Variants in ARHGEF12 observed in about 807,000 individuals in gnomAD.
ARHGEF12 encodes Rho guanine nucleotide exchange factor 12.
ARHGEF12 carries 66 observed loss-of-function variants against 211.2 expected under a neutral mutation model. The observed-to-expected ratio is 0.31, with a 90% confidence interval of 0.26 to 0.38. The LOEUF is 0.38. Among genes scored for constraint, ARHGEF12 ranks in the 10% least tolerant of loss-of-function variants. The probability of loss-of-function intolerance (pLI) is 1.00; values close to 1 mark genes in which losing one functional copy is unlikely to be tolerated. For missense variants in ARHGEF12, 1,429 were observed against 1,869.5 expected (o/e 0.76, Z 4.34); for synonymous variants, 592 against 638.4 (o/e 0.93, Z 1.09).
intron 1 of ARHGEF12, among the ~76,000 whole-genome samples, chr11:120,350,126 A>G (rs949662336): frequency 7.9e-5 from 12 of 151,878 alleles, no homozygotes; most frequent in Admixed American, 3.3e-4. Flanking sequence ...TTGTCTTGGC[A>G]GTTATTTTGA....
At chr11:120,455,949 G>T (rs1401731507) in intron 22 of ARHGEF12, among the ~76,000 whole-genome samples, 3 of 152,200 alleles carry the variant, frequency 2.0e-5, no homozygotes, top group Admixed American at 1.3e-4. Context: ...GCAATTGATG[G>T]TGTGTAAGAA....
chr11:120,369,781 A>G (rs1943537363), intron 1 of ARHGEF12, among the ~76,000 whole-genome samples: 1 of 152,246 alleles, frequency 6.6e-6, no homozygotes, highest in Admixed American at 6.5e-5. Context: ...TTATACTTGG[A>G]ATATTTCACA....
Position 120,447,616 on chromosome 11 carries a change from G to A in ARHGEF12, c.1590-258G>A, listed in dbSNP as rs543198578. Among the ~76,000 whole-genome samples, 47 of 152,056 alleles carry A rather than the reference G, an allele frequency of 3.1e-4. 2 individuals carry two copies. The South Asian group carries it at 9.2e-3, about 30-fold the overall frequency. On this transcript the variant is annotated intron_variant, in intron 18 of 40. Transcript: ENST00000397843. The stretch of plus-strand genomic sequence containing the variant: ...GCGGATTACGTAAGGCCAAGAGTTC[G>A]AGACCAAGCTGGCCAACATGGTGAA...
intron 11 of ARHGEF12, among the ~76,000 whole-genome samples, chr11:120,436,625 T>C (rs950702141): frequency 6.6e-6 from 1 of 152,216 alleles, no homozygotes; most frequent in African/African-American, 2.4e-5. Flanking sequence ...GTACTGAATA[T>C]GCACAGACTT....
In ARHGEF12 at chr11:120,358,049, A is replaced by G. The variant is rs1943174771; in HGVS notation, c.32+20774A>G. ...TTTTAAGTCATTCTAAGGAGTTTGG[A>G]TTTTAACCTCTGGATTGTAGGGAGC... On this transcript the variant is annotated intron_variant, in intron 1 of 40. Transcript: ENST00000397843. Among the ~76,000 whole-genome samples the G allele has an allele frequency of 1.3e-5, 2 of 152,010 alleles. 1 individual carries two copies. Among genetic ancestry groups the G allele is most frequent in the South Asian group, 4.2e-4 (2 of 4,814 alleles).
rs952781389 is a variant in ARHGEF12 at position 120,486,397 on chromosome 11, A to T, written c.*1320A>T. On this transcript the variant is annotated 3_prime_UTR_variant, in exon 41 of 41. Transcript: ENST00000397843. ...CCGTGATTGACCCTAAAAATTGCAGACCAGCACATACACTGGACACTGCAG... is the reference window on the plus strand; with the variant it reads ...CCGTGATTGACCCTAAAAATTGCAGTCCAGCACATACACTGGACACTGCAG... 5.2e-5 allele frequency: 12 copies of T among 232,498 alleles called. No individual in the cohort carries two copies. Among genetic ancestry groups the T allele is most frequent in the Non-Finnish European group, 9.4e-5 (11 of 117,492 alleles). The allele number at this position is 232,498 out of a possible 1,614,324, so 14.4% of individuals were successfully genotyped here.
chr11:120,447,461 T>G (rs1019340207), intron 18 of ARHGEF12, among the ~76,000 whole-genome samples: 2 of 152,174 alleles, frequency 1.3e-5, no homozygotes, highest in African/African-American at 4.8e-5. Flanking sequence ...CTTTTGGTAT[T>G]TTATTCTAGG....
At chr11:120,359,434 GT>G (rs1403681545) in intron 1 of ARHGEF12, among the ~76,000 whole-genome samples, 6 of 152,096 alleles carry the variant, frequency 3.9e-5, no homozygotes, top group Admixed American at 2.6e-4. Flanking sequence ...TAGAGATAGG[GT>G]TTTGCCATGT....
At chr11:120,460,605 C>A in intron 26 of ARHGEF12, 67 bp from the exon 27 acceptor site, 1 of 1,343,788 alleles carries the variant, frequency 7.4e-7, no homozygotes, top group Non-Finnish European at 1.0e-6. Flanking sequence ...ATTAGCTACT[C>A]TGTACTACCA....
chr11:120,338,685 T>C (rs2135215384), intron 1 of ARHGEF12, among the ~76,000 whole-genome samples: 1 of 152,320 alleles, frequency 6.6e-6, no homozygotes, highest in African/African-American at 2.4e-5. Flanking sequence ...GTGGGGATAA[T>C]TGTTTTCCTG....
chr11:120,347,159 C>CTTT (rs1565417015), intron 1 of ARHGEF12, among the ~76,000 whole-genome samples: 3 of 72,932 alleles, frequency 4.1e-5, no homozygotes, highest in African/African-American at 1.2e-4. Context: ...TTCCTTCCTT[C>CTTT]CTTCCTTCCT....
intron 1 of ARHGEF12, among the ~76,000 whole-genome samples, chr11:120,385,817 A>G (rs1944013683): frequency 6.6e-6 from 1 of 152,212 alleles, no homozygotes; most frequent in Non-Finnish European, 1.5e-5. Context: ...TTACCTTTTT[A>G]GAACTGAATT....
intron 22 of ARHGEF12, among the ~76,000 whole-genome samples, chr11:120,456,419 A>C (rs1946362665): frequency 2.0e-5 from 3 of 152,224 alleles, no homozygotes; most frequent in Admixed American, 6.5e-5. Context: ...AAAACTATTA[A>C]ACATTGGGAA....
intron 1 of ARHGEF12, among the ~76,000 whole-genome samples, chr11:120,370,989 T>C (rs1293100021): frequency 2.6e-5 from 4 of 152,220 alleles, no homozygotes; most frequent in Admixed American, 1.3e-4. Flanking sequence ...TCAAGAATTA[T>C]ATGATAATTA....
intron 22 of ARHGEF12, among the ~76,000 whole-genome samples, chr11:120,455,115 A>G (rs976699562): frequency 6.6e-6 from 1 of 152,222 alleles, no homozygotes; most frequent in African/African-American, 2.4e-5. Flanking sequence ...AATTTGAGAG[A>G]AAAGAATTAT....
chr11:120,385,756 A>G (rs753813795), intron 1 of ARHGEF12, among the ~76,000 whole-genome samples: 11 of 152,242 alleles, frequency 7.2e-5, no homozygotes, highest in Non-Finnish European at 1.3e-4. Flanking sequence ...TTTTACATCC[A>G]GCATTGCAAG....
intron 1 of ARHGEF12, among the ~76,000 whole-genome samples, chr11:120,339,867 A>G (rs984690949): frequency 1.3e-5 from 2 of 152,172 alleles, no homozygotes; most frequent in Non-Finnish European, 2.9e-5. Context: ...ATTATTTTGC[A>G]GTTAAATCAA....
chr11:120,344,683 G>A (rs1289915460), intron 1 of ARHGEF12, among the ~76,000 whole-genome samples: 1 of 152,174 alleles, frequency 6.6e-6, no homozygotes, highest in Admixed American at 6.5e-5. Context: ...TTTTGTATTG[G>A]CAGGATAGAT....
In ARHGEF12 at chr11:120,442,281, A is replaced by G. The variant is rs147435383; in HGVS notation, c.1302+79A>G. 187 of 1,052,484 alleles carry G rather than the reference A, an allele frequency of 1.8e-4. 2 individuals are homozygous for G. The African/African-American group carries it at 2.7e-3, about 15-fold the overall frequency. 65.2% of individuals were successfully genotyped at this position (1,052,484 alleles called of 1,614,324 possible). A position where few individuals can be genotyped will look rare whatever the true frequency, so the allele number is the denominator to read the frequency against. On this transcript the variant is annotated intron_variant, in intron 15 of 40. Coordinates refer to ENST00000397843, the MANE Select transcript of ARHGEF12 (RefSeq NM_015313.3). Reference sequence around the variant, plus strand: ...CCTCCTGCTTCCTATCTTCCCTCCCATGTTTTTGGATTTTACTGTGCTTTC... The same window carrying G: ...CCTCCTGCTTCCTATCTTCCCTCCCGTGTTTTTGGATTTTACTGTGCTTTC...
Sources: gnomAD v4.1 joint callset for allele counts (sites outside exome capture counted in the v4.1 genomes callset) on GRCh38, gnomAD v4.1.1 for gene constraint, MANE v1.5 for transcripts, NCBI Gene and HGNC (gene_info 2026-07-23, HGNC 2026-07-21) for gene names.